KCNE2: variants seen among roughly 807,000 people sequenced by gnomAD.
The protein encoded by KCNE2 is potassium voltage-gated channel subfamily E member 2.
KCNE2 carries 4 observed loss-of-function variants against 4.5 expected under a neutral mutation model. That is an observed-to-expected ratio of 0.89 (90% confidence interval 0.44 to 2.03). KCNE2 has a LOEUF of 2.03. KCNE2 is among the 30% of genes most tolerant of loss of function. KCNE2 has a pLI of 0.03. For synonymous variants in KCNE2, 57 were observed against 55.9 expected (o/e 1.02, Z -0.09); for missense variants, 137 against 151.4 (o/e 0.90, Z 0.50).
At chr21:34,367,726 A>G in intron 1 of KCNE2, among the ~76,000 whole-genome samples, 1 of 152,178 alleles carries the variant, frequency 6.6e-6, no homozygotes, top group Admixed American at 6.5e-5. Flanking sequence ...CCAGATGGGG[A>G]GATCTGATTC....
In KCNE2 at chr21:34,371,160, G is replaced by A. The variant is rs41314707; in HGVS notation, c.*310G>A. 7.0e-4 allele frequency: 274 copies of A among 392,222 alleles called. No individual in the cohort carries two copies. Among genetic ancestry groups the A allele is most frequent in the African/African-American group, 5.0e-3 (246 of 48,798 alleles). The allele number at this position is 392,222 out of a possible 1,614,324, so 24.3% of individuals were successfully genotyped here. A position where few individuals can be genotyped will look rare whatever the true frequency, so the allele number is the denominator to read the frequency against. On this transcript the variant is annotated 3_prime_UTR_variant, in exon 2 of 2. Coordinates refer to ENST00000290310, the MANE Select transcript of KCNE2 (RefSeq NM_172201.2). ...TTTGAAGTAAAGTGTCTGGGCAGTG[G>A]CTGTGGGGATAGAAAGGAGAGATTT...
At chr21:34,370,184 A>C (rs1979514052) in intron 1 of KCNE2, among the ~76,000 whole-genome samples, 1 of 152,198 alleles carries the variant, frequency 6.6e-6, no homozygotes, top group African/African-American at 2.4e-5. Flanking sequence ...TCATATGTAC[A>C]CATACATTTA....
At chr21:34,368,234 AT>A (rs1477214853) in intron 1 of KCNE2, among the ~76,000 whole-genome samples, 26 of 52,264 alleles carry the variant, frequency 5.0e-4, no homozygotes, top group Admixed American at 9.3e-4. Context: ...CACACAATAT[AT>A]ATATATATAT....
chr21:34,370,503 C>G lies in KCNE2; in HGVS notation c.25C>G (p.Gln9Glu), dbSNP rs16991652. The G allele has an allele frequency of 8.5e-4, 1,374 of 1,614,182 alleles. 16 individuals carry two copies. In the African/African-American group the frequency reaches 0.016, roughly 19 times the overall value. Residue 9 changes from glutamine (Q) to glutamate (E), a missense_variant, in exon 2 of 2, where the codon CAG becomes GAG. Gln to Glu is a conservative substitution (Grantham distance 29). Coordinates refer to ENST00000290310, the MANE Select transcript of KCNE2 (RefSeq NM_172201.2). MSTLSNFTQTLEDVFRRIF... is the reference protein window; with the variant it reads MSTLSNFTETLEDVFRRIF... ...CATGTCTACTTTATCCAATTTCACA[C>G]AGACGCTGGAAGACGTCTTCCGAAG...
chr21:34,367,279 T>C (rs574604012), intron 1 of KCNE2, among the ~76,000 whole-genome samples: 2 of 151,848 alleles, frequency 1.3e-5, no homozygotes, highest in Non-Finnish European at 2.9e-5. Context: ...TGAGACCTCA[T>C]CACTACTTTT....
At chr21:34,369,285 GAC>G (rs1476584884) in intron 1 of KCNE2, among the ~76,000 whole-genome samples, 2 of 152,134 alleles carry the variant, frequency 1.3e-5, no homozygotes, top group Non-Finnish European at 2.9e-5. Context: ...CACGGTGGCT[GAC>G]ACATGTAATC....
intron 1 of KCNE2, among the ~76,000 whole-genome samples, chr21:34,369,485 G>A (rs145714869): frequency 8.8e-4 from 134 of 152,182 alleles, no homozygotes; most frequent in African/African-American, 3.2e-3. Context: ...GGGAGGCGGA[G>A]GTTTCAGTGA....
chr21:34,366,132 C>T (rs1246516282), intron 1 of KCNE2, among the ~76,000 whole-genome samples: 2 of 152,102 alleles, frequency 1.3e-5, no homozygotes, highest in South Asian at 2.1e-4. Flanking sequence ...GGCTGGTGAA[C>T]GCTGCCATGC....
chr21:34,370,994 G>A lies in KCNE2; in HGVS notation c.*144G>A, dbSNP rs1979568388. On this transcript the variant is annotated 3_prime_UTR_variant, in exon 2 of 2. Coordinates refer to ENST00000290310, the MANE Select transcript of KCNE2 (RefSeq NM_172201.2). ...GAATTTTCATGGAGATTATGTGGTT[G>A]GCCAATAAAGATAGATGACATTTCA... 2.0e-6 allele frequency: 2 copies of A among 1,008,402 alleles called. No homozygotes were observed. The highest frequency in any genetic ancestry group is 5.2e-5 in the East Asian group (2 of 38,400). The allele number at this position is 1,008,402 out of a possible 1,614,324, so 62.5% of individuals were successfully genotyped here.
chr21:34,366,231 G>C (rs1224552349), intron 1 of KCNE2, among the ~76,000 whole-genome samples: 1 of 152,150 alleles, frequency 6.6e-6, no homozygotes, highest in East Asian at 1.9e-4. Context: ...GAGACTCTTG[G>C]ATGGGCCTTA....
chr21:34,370,592 A>T lies in KCNE2; in HGVS notation c.114A>T (p.Gln38His), dbSNP rs1446756364. 1 of 1,614,102 alleles carries T rather than the reference A, an allele frequency of 6.2e-7. No homozygotes were observed. The highest frequency in any genetic ancestry group is 1.7e-5 in the Admixed American group (1 of 60,002). The change falls in exon 2 of 2, where the codon CAA becomes CAT. Residue 38 changes from glutamine (Q) to histidine (H), a missense_variant. Coordinates refer to ENST00000290310, the MANE Select transcript of KCNE2 (RefSeq NM_172201.2). ...QNTTAEQEAL[Q>H]AKVDAENFYY... Reference sequence around the variant, plus strand: ...CAACAGCTGAGCAAGAGGCCCTCCAAGCCAAAGTTGATGCTGAGAACTTCT... The same window carrying T: ...CAACAGCTGAGCAAGAGGCCCTCCATGCCAAAGTTGATGCTGAGAACTTCT...
In KCNE2 at chr21:34,370,740, A is replaced by C. The variant is rs771699510; in HGVS notation, c.262A>C (p.Ile88Leu). 2 of 1,614,168 alleles carry C rather than the reference A, an allele frequency of 1.2e-6. No individual in the cohort carries two copies. The highest frequency in any genetic ancestry group is 1.7e-6 in the Non-Finnish European group (2 of 1,180,004). ...CTCCAATGACCCCTACCACCAGTAC[A>C]TTGTAGAGGACTGGCAGGAAAAGTA... ...EHSNDPYHQY[I>L]VEDWQEKYKS... is the part of the protein sequence containing the mutation. The change falls in exon 2 of 2, where the codon ATT (isoleucine) becomes CTT (leucine). Residue 88 changes from isoleucine (I) to leucine (L), a missense_variant. Transcript: ENST00000290310.
At position 34,370,850 on chromosome 21, in the gene KCNE2, A is replaced by G. The variant is rs1305783893; in HGVS notation, c.372A>G (p.Ter124TrpextTer1). The change falls in exon 2 of 2, where the codon TGA becomes TGG. Residue 124 changes from the stop codon to tryptophan (W), a stop_lost. Transcript: ENST00000290310. ...CGGCTGGGTTCAAAATGTCCCCCTGATAAGGGAGAAAGGCACCAAGCTAAC... is the reference window on the plus strand; with the variant it reads ...CGGCTGGGTTCAAAATGTCCCCCTGGTAAGGGAGAAAGGCACCAAGCTAAC... The part of the protein sequence containing the change: ...IGAAGFKMSP[*>W] 3.1e-6 allele frequency: 5 copies of G among 1,613,650 alleles called. No homozygotes were observed. In the African/African-American group the frequency reaches 5.3e-5, roughly 17 times the overall value.
chr21:34,370,740 A>G lies in KCNE2; in HGVS notation c.262A>G (p.Ile88Val), dbSNP rs771699510. 1 of 1,614,168 alleles carries G rather than the reference A, an allele frequency of 6.2e-7. No homozygotes were observed. Among genetic ancestry groups the G allele is most frequent in the Non-Finnish European group, 8.5e-7 (1 of 1,180,004 alleles). Residue 88 changes from isoleucine (I) to valine (V), a missense_variant, in exon 2 of 2, where the codon ATT becomes GTT. By Grantham distance (29) the Ile-to-Val change is conservative. Transcript: ENST00000290310. ...EHSNDPYHQY[I>V]VEDWQEKYKS... ...CTCCAATGACCCCTACCACCAGTAC[A>G]TTGTAGAGGACTGGCAGGAAAAGTA...
chr21:34,369,746 CA>C (rs923859636), intron 1 of KCNE2, among the ~76,000 whole-genome samples: 1 of 152,184 alleles, frequency 6.6e-6, no homozygotes, highest in Non-Finnish European at 1.5e-5. Context: ...AATAATCTCT[CA>C]GATTGTTTCT....
At chr21:34,365,912 A>G (rs933562392) in intron 1 of KCNE2, among the ~76,000 whole-genome samples, 9 of 152,256 alleles carry the variant, frequency 5.9e-5, no homozygotes, top group African/African-American at 2.2e-4. Context: ...CATCTCATGC[A>G]TCCGTATTCA....
chr21:34,370,333 T>A (rs1979518557), intron 1 of KCNE2, 134 bp from the exon 2 acceptor site: 1 of 1,049,450 alleles, frequency 9.5e-7, no homozygotes, highest in African/African-American at 1.6e-5. Context: ...AAAATATGCA[T>A]TAAATCACCA....
chr21:34,370,421 T>C (rs1979522416), intron 1 of KCNE2, 46 bp from the exon 2 acceptor site: 1 of 1,613,082 alleles, frequency 6.2e-7, no homozygotes, highest in African/African-American at 1.3e-5. Flanking sequence ...CCAGAAAAGA[T>C]CCGTTTTCCT....
At chr21:34,365,895 T>G (rs1332698478) in intron 1 of KCNE2, among the ~76,000 whole-genome samples, 2 of 152,268 alleles carry the variant, frequency 1.3e-5, no homozygotes, top group African/African-American at 2.4e-5. Context: ...CATGGGCCAC[T>G]CGGCCACATC....
Sources: allele counts gnomAD v4.1 joint callset (sites outside exome capture counted in the v4.1 genomes callset), GRCh38; gene constraint gnomAD v4.1.1; transcripts MANE v1.5; gene names NCBI Gene and HGNC (gene_info 2026-07-23, HGNC 2026-07-21).